CAPN1: variants seen among roughly 807,000 people sequenced by gnomAD.
CAPN1 encodes the protein calpain-1 catalytic subunit.
A neutral mutation model predicts 105.2 loss-of-function variants in CAPN1; 77 were observed. The observed-to-expected ratio is 0.73, with a 90% CI of 0.61 to 0.88. CAPN1 has a LOEUF of 0.88. CAPN1 is among the 40% of genes least tolerant of loss of function. The pLI is 0.00. For synonymous variants in CAPN1, 355 were observed against 388.8 expected, an observed-to-expected ratio of 0.91 and a Z score of 1.02; for missense variants, 833 against 976.6, an observed-to-expected ratio of 0.85 and a Z score of 1.96.
rs749441476 is a variant in CAPN1 at position 65,183,116 on chromosome 11, G to A, written c.268-12G>A. The A allele has an allele frequency of 6.2e-7, 1 of 1,613,762 alleles. No homozygotes were observed. Among genetic ancestry groups the A allele is most frequent in the Admixed American group, 1.7e-5 (1 of 60,004 alleles). On this transcript the variant is annotated splice_polypyrimidine_tract_variant and intron_variant, in intron 2 of 21. Transcript: ENST00000279247. ...GGGCTGGCCGAGGAACAGGACTCTG[G>A]GTCTCTCGTAGGAACTGCTGTCAAA...
intron 10 of CAPN1, among the ~76,000 whole-genome samples, chr11:65,201,489 TC>T (rs1948868064): frequency 6.6e-6 from 1 of 152,132 alleles, no homozygotes. Flanking sequence ...ATTTTTTCCT[TC>T]CCTCCAGGGA....
chr11:65,206,872 G>A, intron 14 of CAPN1, 53 bp downstream of exon 14: 2 of 1,545,370 alleles, frequency 1.3e-6, no homozygotes, highest in Non-Finnish European at 8.8e-7. Context: ...TCACCCCTGG[G>A]TGTGTGATGG....
chr11:65,197,888 G>GAAAAAAAA (rs71049687), intron 10 of CAPN1, among the ~76,000 whole-genome samples: 19 of 83,352 alleles, frequency 2.3e-4, no homozygotes, highest in South Asian at 5.1e-4. Context: ...AACTCTATCT[G>GAAAAAAAA]AAAAAAAAAA....
Position 65,208,935 on chromosome 11 carries a change from C to A in CAPN1, c.1730-388C>A. On this transcript the variant is annotated intron_variant, in intron 16 of 21. Transcript: ENST00000279247. The surrounding 1 kb of genome is among the most constrained non-coding windows in gnomAD (Gnocchi z 4.1). ...CTGGCCTCTCATCCCCTCCCCTCCC[C>A]TTTGCTGCCACTGACCTCCATCCAC... The A allele has an allele frequency of 3.6e-6, 1 of 277,358 alleles. No individual in the cohort carries two copies. Among genetic ancestry groups the A allele is most frequent in the South Asian group, 4.3e-5 (1 of 23,528 alleles). The allele number at this position is 277,358 out of a possible 1,614,324, so 17.2% of individuals were successfully genotyped here. A position where few individuals can be genotyped will look rare whatever the true frequency, so the allele number is the denominator to read the frequency against.
Position 65,210,236 on chromosome 11 carries a change from C to A in CAPN1, c.1943-100C>A. 4.5e-6 allele frequency: 5 copies of A among 1,119,028 alleles called. No homozygotes were observed. Among genetic ancestry groups the A allele is most frequent in the Non-Finnish European group, 6.7e-6 (5 of 748,744 alleles). 69.3% of individuals were successfully genotyped at this position (1,119,028 alleles called of 1,614,324 possible). ...GTCCTTTTCCCCACGGTTACTAGCA[C>A]CCTGCCTAGCCCCAGCCCCCTCCTG... On this transcript the variant is annotated intron_variant, in intron 19 of 21. Transcript: ENST00000279247. This position sits in a 1 kb window ranked among gnomAD's most constrained non-coding sequence, Gnocchi z 4.3.
chr11:65,189,863 A>G (rs748225403), intron 10 of CAPN1, among the ~76,000 whole-genome samples: 3 of 152,104 alleles, frequency 2.0e-5, no homozygotes, highest in Non-Finnish European at 4.4e-5. Context: ...TCTCACCTCG[A>G]TATCTCCCCA....
chr11:65,189,219 C>T (rs1484224776), intron 10 of CAPN1, among the ~76,000 whole-genome samples: 1 of 152,166 alleles, frequency 6.6e-6, no homozygotes, highest in Admixed American at 6.5e-5. Context: ...CAGGGTTTCT[C>T]CATGTTGGCC....
At position 65,210,911 on chromosome 11, in the gene CAPN1, C is replaced by T. The variant is rs756666426; in HGVS notation, c.2118+39C>T. The T allele has an allele frequency of 5.8e-6, 9 of 1,538,956 alleles. No homozygotes were observed. In the Admixed American group the frequency reaches 1.5e-4, roughly 26 times the overall value. On this transcript the variant is annotated intron_variant, in intron 21 of 21. Transcript: ENST00000279247. The surrounding 1 kb of genome is among the most constrained non-coding windows in gnomAD (Gnocchi z 4.3). The stretch of plus-strand genomic sequence containing the variant: ...TGGGCCCATGGTTGGGGAAGAGTTC[C>T]AGGCGATCGAATTTTCTTATCTGGC...
chr11:65,206,761 T>G lies in CAPN1; in HGVS notation c.1566-19T>G, dbSNP rs1156688316. On this transcript the variant is annotated intron_variant, in intron 13 of 21. Transcript: ENST00000279247. Reference sequence around the variant, plus strand: ...GCTGTCCCCCTCTGACTGGCTCCTTTCCTCCCCACTCTCTGCAGGGAGCTG... The same window carrying G: ...GCTGTCCCCCTCTGACTGGCTCCTTGCCTCCCCACTCTCTGCAGGGAGCTG... The G allele has an allele frequency of 6.2e-7, 1 of 1,612,506 alleles. No homozygotes were observed. Among genetic ancestry groups the G allele is most frequent in the African/African-American group, 1.3e-5 (1 of 74,828 alleles).
At position 65,188,606 on chromosome 11, in the gene CAPN1, T is replaced by C. The variant is rs1402023158; in HGVS notation, c.1025T>C (p.Met342Thr). Residue 342 changes from methionine (M) to threonine (T), a missense_variant, in exon 10 of 22, where the codon ATG becomes ACG. By Grantham distance (81) the Met-to-Thr change is moderately conservative. Coordinates refer to ENST00000279247, the MANE Select transcript of CAPN1 (RefSeq NM_005186.4). This position sits in a 1 kb window ranked among gnomAD's most constrained non-coding sequence, Gnocchi z 5.5. Reference protein sequence around the residue: ...GEFWMSFRDFMREFTRLEICN... With the variant: ...GEFWMSFRDFTREFTRLEICN... ...CTCAGGATGTCATTCCGAGACTTCA[T>C]GCGGGAGTTCACCCGCCTGGAGATC... The C allele has an allele frequency of 6.8e-6, 11 of 1,613,986 alleles. No homozygotes were observed. Among genetic ancestry groups the C allele is most frequent in the Non-Finnish European group, 8.5e-6 (10 of 1,179,870 alleles).
chr11:65,197,257 C>T (rs1465474157), intron 10 of CAPN1, among the ~76,000 whole-genome samples: 3 of 152,304 alleles, frequency 2.0e-5, no homozygotes, highest in South Asian at 2.1e-4. Flanking sequence ...AATCTTATAA[C>T]ATCCTAATGG....
chr11:65,201,287 A>G (rs910103553), intron 10 of CAPN1, among the ~76,000 whole-genome samples: 6 of 151,342 alleles, frequency 4.0e-5, no homozygotes, highest in Non-Finnish European at 5.9e-5. Flanking sequence ...GGGTCTCCCT[A>G]TGTTGCCCAG....
At chr11:65,183,218 G>T (rs201805317) in intron 3 of CAPN1, 21 bp downstream of exon 3, 1 of 1,611,780 alleles carries the variant, frequency 6.2e-7, no homozygotes, top group Non-Finnish European at 8.5e-7. Context: ...AGGGCGTCGG[G>T]TCCCGGGTAT....
intron 10 of CAPN1, among the ~76,000 whole-genome samples, chr11:65,192,079 T>A (rs1948726764): frequency 6.6e-6 from 1 of 152,074 alleles, no homozygotes; most frequent in Admixed American, 6.6e-5. Context: ...ACAAAAAATT[T>A]AAAAAATTAG....
rs746956872 is a variant in CAPN1, at chr11:65,205,763, G to A, written c.1353+42G>A. 9 of 1,604,426 alleles carry A rather than the reference G, an allele frequency of 5.6e-6. No individual in the cohort carries two copies. In the East Asian group the frequency reaches 2.0e-4, roughly 36 times the overall value. On this transcript the variant is annotated intron_variant, in intron 12 of 21. Transcript: ENST00000279247. Reference sequence around the variant, plus strand: ...GACCCACCTGCAGTCACACACCCCTGATGGTGCCAGAGGGGAGCAACCCAG... The same window carrying A: ...GACCCACCTGCAGTCACACACCCCTAATGGTGCCAGAGGGGAGCAACCCAG...
At position 65,208,350 on chromosome 11, in the gene CAPN1, T is replaced by C; in HGVS notation, c.1729+88T>C. ...TGCTCACACATTGAGCTGAACCTCA[T>C]CCCTTGGTCTGCATGAGTCGGGGAA... On this transcript the variant is annotated intron_variant, in intron 16 of 21. Coordinates refer to ENST00000279247, the MANE Select transcript of CAPN1 (RefSeq NM_005186.4). This position sits in a 1 kb window ranked among gnomAD's most constrained non-coding sequence, Gnocchi z 4.1. The C allele has an allele frequency of 7.9e-7, 1 of 1,271,044 alleles. No homozygotes were observed. The highest frequency in any genetic ancestry group is 1.1e-6 in the Non-Finnish European group (1 of 892,892). 78.7% of individuals were successfully genotyped at this position (1,271,044 alleles called of 1,614,324 possible).
chr11:65,190,029 TCCCTGTTCATGGGGACC>T (rs1948696823), intron 10 of CAPN1, among the ~76,000 whole-genome samples: 1 of 152,098 alleles, frequency 6.6e-6, no homozygotes, highest in Admixed American at 6.6e-5. Context: ...GGCAGAACAG[TCCCTGTTCATGGGGACC>T]CCCACGTCTG....
In CAPN1 at chr11:65,185,949, C is replaced by G. The variant is rs1258484846; in HGVS notation, c.489C>G (p.Val163=). 2.4e-5 allele frequency: 39 copies of G among 1,591,836 alleles called. No individual in the cohort carries two copies. The highest frequency in any genetic ancestry group is 3.1e-5 in the Non-Finnish European group (36 of 1,169,186). ...AATTTGGGGAGTGGGTGGACGTGGT[C>G]GTGGATGACCTGCTGCCCATCAAGG... ...LWQFGEWVDV[V]VDDLLPIKDG... The change falls in exon 5 of 22, where the codon GTC becomes GTG. Residue 163 remains valine (V), a synonymous_variant. Transcript: ENST00000279247.
intron 4 of CAPN1, among the ~76,000 whole-genome samples, chr11:65,185,147 G>T (rs1453539291): frequency 6.6e-6 from 1 of 152,014 alleles, no homozygotes; most frequent in East Asian, 1.9e-4. Flanking sequence ...CATACAAATT[G>T]ATTAGCCTGC....
Sources: gnomAD v4.1 joint callset for allele counts (sites outside exome capture counted in the v4.1 genomes callset) on GRCh38, gnomAD v4.1.1 for gene constraint, Gnocchi (gnomAD v3.1) non-coding constraint, MANE v1.5 for transcripts, NCBI Gene and HGNC (gene_info 2026-07-23, HGNC 2026-07-21) for gene names.